The following VWA8 variants were observed in gnomAD, a reference collection of about 807,000 sequenced individuals.
VWA8 encodes the protein von Willebrand factor A domain containing 8.
Under a neutral mutation model 241.5 loss-of-function variants are expected in VWA8, and 221 were observed. That is an observed-to-expected ratio of 0.91 (90% confidence interval 0.82 to 1.02). VWA8 has a LOEUF of 1.02. Among genes scored for constraint, VWA8 ranks in the 50% least tolerant of loss-of-function variants. The pLI, the probability that VWA8 is intolerant of heterozygous loss-of-function variation, is 0.00. For missense variants in VWA8, 2,322 were observed against 2,328.7 expected, an observed-to-expected ratio of 1.00 and a Z score of 0.06; for synonymous variants, 852 against 827.1, an observed-to-expected ratio of 1.03 and a Z score of -0.52.
intron 21 of VWA8, among the ~76,000 whole-genome samples, chr13:41,739,781 C>T (rs1256888051): frequency 6.7e-6 from 1 of 149,720 alleles, no homozygotes; most frequent in African/African-American, 2.4e-5. Context: ...AGGAGTTAAA[C>T]AATTCATTTC....
chr13:41,918,636 TA>T (rs959504378), intron 2 of VWA8, among the ~76,000 whole-genome samples: 63 of 152,302 alleles, frequency 4.1e-4, no homozygotes, highest in African/African-American at 1.3e-3. Flanking sequence ...GCAAAAAAGT[TA>T]TTTTTTTAAA....
intron 35 of VWA8, among the ~76,000 whole-genome samples, chr13:41,676,020 T>C (rs1347965867): frequency 6.6e-6 from 1 of 152,080 alleles, no homozygotes; most frequent in Non-Finnish European, 1.5e-5. Context: ...ATTATTCTGA[T>C]TGTTGAAATC....
chr13:41,838,508 A>G (rs762185777), intron 12 of VWA8, among the ~76,000 whole-genome samples: 2 of 152,184 alleles, frequency 1.3e-5, no homozygotes, highest in Non-Finnish European at 2.9e-5. Context: ...TATGACTTCA[A>G]CCAGGTTTAA....
intron 21 of VWA8, among the ~76,000 whole-genome samples, chr13:41,735,535 T>C (rs1036657672): frequency 6.6e-6 from 1 of 151,928 alleles, no homozygotes; most frequent in Admixed American, 6.6e-5. Flanking sequence ...TTTAGTGGAG[T>C]AGTATGTGAG....
intron 37 of VWA8, among the ~76,000 whole-genome samples, chr13:41,651,888 C>G (rs2044871799): frequency 6.6e-6 from 1 of 152,134 alleles, no homozygotes; most frequent in African/African-American, 2.4e-5. Flanking sequence ...CCTGCTCCAC[C>G]CTGGTGTGAG....
At chr13:41,646,409 A>C (rs1033088300) in intron 37 of VWA8, among the ~76,000 whole-genome samples, 1 of 152,190 alleles carries the variant, frequency 6.6e-6, no homozygotes, top group Non-Finnish European at 1.5e-5. Context: ...AGGCATTTTA[A>C]ATATACTACT....
chr13:41,594,262 A>T (rs986949020), intron 40 of VWA8, among the ~76,000 whole-genome samples: 6 of 152,008 alleles, frequency 3.9e-5, no homozygotes, highest in African/African-American at 1.2e-4. Flanking sequence ...AGCTGAGACT[A>T]CAGGCATGTA....
intron 12 of VWA8, among the ~76,000 whole-genome samples, chr13:41,857,567 CAAGTAT>C (rs1214868218): frequency 1.3e-5 from 2 of 152,072 alleles, no homozygotes; most frequent in Admixed American, 6.5e-5. Context: ...TATAATTTTA[CAAGTAT>C]GAGTAACACT....
intron 16 of VWA8, among the ~76,000 whole-genome samples, 169 bp downstream of exon 16, chr13:41,816,529 A>C (rs942774258): frequency 6.6e-6 from 1 of 152,226 alleles, no homozygotes; most frequent in African/African-American, 2.4e-5. Flanking sequence ...GAGATGTTAA[A>C]ATCACTGAAA....
chr13:41,897,192 A>T (rs1875150419), intron 4 of VWA8, among the ~76,000 whole-genome samples: 1 of 152,180 alleles, frequency 6.6e-6, no homozygotes, highest in African/African-American at 2.4e-5. Flanking sequence ...AATATTGAGA[A>T]CATACAAGGA....
chr13:41,648,531 G>GA (rs1175196650), intron 37 of VWA8, among the ~76,000 whole-genome samples: 3 of 152,166 alleles, frequency 2.0e-5, no homozygotes, highest in Non-Finnish European at 4.4e-5. Flanking sequence ...ACTTAACTGT[G>GA]AACTTTCCCG....
At chr13:41,919,236 T>G (rs1223272417) in intron 2 of VWA8, among the ~76,000 whole-genome samples, 3 of 152,158 alleles carry the variant, frequency 2.0e-5, no homozygotes, top group Admixed American at 2.0e-4. Flanking sequence ...GGGGATCAGC[T>G]TGGACCCAGG....
Position 41,715,831 on chromosome 13 carries a change from T to C in VWA8, c.3116+3760A>G, listed in dbSNP as rs1034437891. ...CATTAGTACATGCAACACACACATA[T>C]AGCATCAATTGTCTTGTTTCTCTAT... On this transcript the variant is annotated intron_variant, in intron 26 of 44. Coordinates refer to ENST00000379310, the MANE Select transcript of VWA8 (RefSeq NM_015058.2). Among the ~76,000 whole-genome samples the C allele has an allele frequency of 3.3e-5, 5 of 152,032 alleles. No homozygotes were observed. The South Asian group carries it at 1.0e-3, about 31-fold the overall frequency.
chr13:41,876,320 G>C (rs1873896709), intron 9 of VWA8, among the ~76,000 whole-genome samples: 1 of 152,000 alleles, frequency 6.6e-6, no homozygotes, highest in Admixed American at 6.6e-5. Flanking sequence ...CCTTTCCATG[G>C]ATTACAGAGC....
At chr13:41,914,494 T>C (rs1489179212) in intron 2 of VWA8, among the ~76,000 whole-genome samples, 4 of 152,220 alleles carry the variant, frequency 2.6e-5, no homozygotes, top group Non-Finnish European at 4.4e-5. Flanking sequence ...CAGTCTATTC[T>C]TTCTTGCTTC....
chr13:41,901,889 A>AAAAAAAAT (rs1566500253), intron 4 of VWA8, among the ~76,000 whole-genome samples: 6 of 83,338 alleles, frequency 7.2e-5, no homozygotes, highest in African/African-American at 1.0e-4. Flanking sequence ...AAAAAAAAAA[A>AAAAAAAAT]ATATATATAT....
chr13:41,624,950 C>T (rs189288900), intron 37 of VWA8, among the ~76,000 whole-genome samples: 7 of 152,202 alleles, frequency 4.6e-5, no homozygotes, highest in Admixed American at 4.6e-4. Flanking sequence ...GCTCCTAGAA[C>T]TGATAAACAA....
At chr13:41,688,613 C>A (rs1218085321) in intron 34 of VWA8, among the ~76,000 whole-genome samples, 1 of 151,996 alleles carries the variant, frequency 6.6e-6, no homozygotes, top group Non-Finnish European at 1.5e-5. Flanking sequence ...CTGGATGCTG[C>A]AAAGATATGA....
At chr13:41,822,591 GA>G (rs890124451) in intron 14 of VWA8, among the ~76,000 whole-genome samples, 1 of 152,080 alleles carries the variant, frequency 6.6e-6, no homozygotes, top group Non-Finnish European at 1.5e-5. Context: ...TGGTGGGAAG[GA>G]CAAACAAAGG....
Sources: allele counts gnomAD v4.1 joint callset (sites outside exome capture counted in the v4.1 genomes callset), GRCh38; gene constraint gnomAD v4.1.1; transcripts MANE v1.5; gene names NCBI Gene and HGNC (gene_info 2026-07-23, HGNC 2026-07-21).